The following TRABD2B variants were observed in gnomAD, a reference collection of about 807,000 sequenced individuals.
TRABD2B encodes the protein TraB domain containing 2B, also known as metalloprotease TIKI2.
Under a neutral mutation model 40.1 loss-of-function variants are expected in TRABD2B, and 14 were observed. The ratio of observed to expected loss-of-function variants is 0.35; its 90% CI spans 0.23 to 0.55. The LOEUF (loss-of-function observed/expected upper bound fraction) is 0.55. Among genes scored for constraint, TRABD2B ranks in the 20% least tolerant of loss-of-function variants. The pLI is 0.90. For synonymous variants in TRABD2B, 263 were observed against 277.0 expected, an observed-to-expected ratio of 0.95 and a Z score of 0.50; for missense variants, 541 against 648.6, an observed-to-expected ratio of 0.83 and a Z score of 1.80.
In TRABD2B at chr1:47,958,657, C is replaced by G. The variant is rs568663648; in HGVS notation, c.666+35377G>C. ...AAAGGGATCAATTCAACAAGGAGAG[C>G]TAACTATCCTAAATATATATGCACC... On this transcript the variant is annotated intron_variant, in intron 2 of 6. Coordinates refer to ENST00000606738, the MANE Select transcript of TRABD2B (RefSeq NM_001194986.2). Among the ~76,000 whole-genome samples the G allele has an allele frequency of 1.2e-3, 178 of 152,132 alleles. 1 individual carries two copies. Among genetic ancestry groups the G allele is most frequent in the Admixed American group, 3.1e-3 (48 of 15,278 alleles).
intron 2 of TRABD2B, among the ~76,000 whole-genome samples, chr1:47,843,246 C>T (rs1645423614): frequency 6.6e-6 from 1 of 152,276 alleles, no homozygotes; most frequent in African/African-American, 2.4e-5. Flanking sequence ...TTAAAGGCTC[C>T]CTCTGCCTGT....
intron 2 of TRABD2B, among the ~76,000 whole-genome samples, chr1:47,885,370 G>A (rs7538804): frequency 0.031 from 4,703 of 152,210 alleles, 254 homozygotes; most frequent in African/African-American, 0.11. Flanking sequence ...ACTGTGGACC[G>A]TCTTATTTAC....
Position 47,994,418 on chromosome 1 carries a change from G to T in TRABD2B, c.282C>A (p.Ile94=). ...GCAGCTGGCAGCTGGCCAGGGCCGAGATGGTGTAGGGGTCTGTAAGGTCCA... is the reference window on the plus strand; with the variant it reads ...GCAGCTGGCAGCTGGCCAGGGCCGATATGGTGTAGGGGTCTGTAAGGTCCA... The part of the protein sequence containing the change: ...FELDLTDPYT[I]SALASCQLLP... The change falls in exon 2 of 7, where the codon ATC becomes ATA. Residue 94 remains isoleucine (I), a synonymous_variant. Transcript: ENST00000606738. This position sits in a 1 kb window ranked among gnomAD's most constrained non-coding sequence, Gnocchi z 6.7. The T allele has an allele frequency of 6.5e-7, 1 of 1,536,172 alleles. No individual in the cohort carries two copies. The highest frequency in any genetic ancestry group is 8.7e-7 in the Non-Finnish European group (1 of 1,146,916).
chr1:47,897,720 C>T (rs1232576247), intron 2 of TRABD2B, among the ~76,000 whole-genome samples: 2 of 152,184 alleles, frequency 1.3e-5, no homozygotes, highest in East Asian at 1.9e-4. Flanking sequence ...CACACACACA[C>T]ACATATACAA....
chr1:47,871,803 G>C (rs1451752400), intron 2 of TRABD2B, among the ~76,000 whole-genome samples: 2 of 151,978 alleles, frequency 1.3e-5, no homozygotes, highest in South Asian at 2.1e-4. Context: ...TTTCCTCCTG[G>C]CCCCCCCAGG....
intron 2 of TRABD2B, among the ~76,000 whole-genome samples, chr1:47,899,843 C>T (rs1429434791): frequency 6.6e-6 from 1 of 152,130 alleles, no homozygotes; most frequent in Admixed American, 6.5e-5. Flanking sequence ...TCAGTGCTGT[C>T]AGAGTGCAGC....
intron 2 of TRABD2B, among the ~76,000 whole-genome samples, chr1:47,920,097 TA>T (rs1644882011): frequency 6.6e-6 from 1 of 152,188 alleles, no homozygotes; most frequent in African/African-American, 2.4e-5. Context: ...ACATGTATAG[TA>T]AGATGAGACT....
chr1:47,807,851 T>C (rs1644913122), intron 2 of TRABD2B, among the ~76,000 whole-genome samples: 1 of 152,236 alleles, frequency 6.6e-6, no homozygotes, highest in South Asian at 2.1e-4. Context: ...GTATGCAGGA[T>C]AGCAGCATCA....
Position 47,994,137 on chromosome 1 carries a change from A to C in TRABD2B, c.563T>G (p.Leu188Arg). The change falls in exon 2 of 7, where the codon CTC (leucine) becomes CGC (arginine). Residue 188 changes from leucine to arginine, a missense_variant. This residue lies in a region of TRABD2B where 369 missense variants were observed against 492.8 expected (regional missense o/e 0.75). Transcript: ENST00000606738. The surrounding 1 kb of genome is among the most constrained non-coding windows in gnomAD (Gnocchi z 6.7). ...CTTCTCAGCCTGCTGGGCCAGGTAG[A>C]GGTCGAGCACGGGCACACCACGGAA... ...VRFRGVPVLD[L>R]YLAQQAEKMK... The C allele has an allele frequency of 1.3e-6, 2 of 1,536,318 alleles. No homozygotes were observed. The highest frequency in any genetic ancestry group is 2.4e-5 in the South Asian group (2 of 84,064).
chr1:47,847,960 G>A (rs557047846), intron 2 of TRABD2B, among the ~76,000 whole-genome samples: 4 of 152,130 alleles, frequency 2.6e-5, no homozygotes, highest in African/African-American at 9.7e-5. Context: ...CGGGGCTGAC[G>A]CCATAAATTC....
intron 2 of TRABD2B, among the ~76,000 whole-genome samples, chr1:47,990,777 A>T (rs568087320): frequency 0.029 from 109 of 3,792 alleles, no homozygotes; most frequent in Non-Finnish European, 0.051. Flanking sequence ...GGTTTTATAT[A>T]TATATATATA....
chr1:47,955,954 C>A (rs564458056), intron 2 of TRABD2B, among the ~76,000 whole-genome samples: 1 of 152,194 alleles, frequency 6.6e-6, no homozygotes, highest in South Asian at 2.1e-4. Flanking sequence ...TTGCTTGGCA[C>A]ATAGATGAAT....
chr1:47,919,187 G>A (rs564089057), intron 2 of TRABD2B, among the ~76,000 whole-genome samples: 2 of 152,348 alleles, frequency 1.3e-5, no homozygotes, highest in African/African-American at 2.4e-5. Flanking sequence ...GTGAATAAGT[G>A]AATGAATAGA....
intron 2 of TRABD2B, among the ~76,000 whole-genome samples, chr1:47,908,904 C>A (rs1644713363): frequency 6.6e-6 from 1 of 152,356 alleles, no homozygotes; most frequent in East Asian, 1.9e-4. Flanking sequence ...GAAGACATAG[C>A]GGACTTCCTT....
intron 2 of TRABD2B, among the ~76,000 whole-genome samples, chr1:47,807,033 A>C (rs942101776): frequency 2.0e-5 from 3 of 152,216 alleles, no homozygotes; most frequent in African/African-American, 7.2e-5. Flanking sequence ...TTAGCCAGGG[A>C]CAAAACAGAC....
intron 2 of TRABD2B, among the ~76,000 whole-genome samples, chr1:47,956,830 C>T (rs1185010188): frequency 6.6e-6 from 1 of 152,226 alleles, no homozygotes; most frequent in Non-Finnish European, 1.5e-5. Context: ...ACTTAAACGT[C>T]CCTGTCTGAC....
Position 47,996,090 on chromosome 1 carries a change from C to A in TRABD2B, c.102+598G>T, listed in dbSNP as rs1479934796. Among the ~76,000 whole-genome samples, 1 of 152,148 alleles carries A rather than the reference C, an allele frequency of 6.6e-6. No homozygotes were observed. Among genetic ancestry groups the A allele is most frequent in the Non-Finnish European group, 1.5e-5 (1 of 68,034 alleles). On this transcript the variant is annotated intron_variant, in intron 1 of 6. Transcript: ENST00000606738. This position sits in a 1 kb window ranked among gnomAD's most constrained non-coding sequence, Gnocchi z 4.6. ...ATTAGGCCAGTATGTCCTGGCATTG[C>A]CTTTTCCTCTCCTCTGAAATCTTCC...
intron 2 of TRABD2B, among the ~76,000 whole-genome samples, chr1:47,913,615 C>T (rs886777429): frequency 4.6e-5 from 7 of 152,172 alleles, no homozygotes; most frequent in Non-Finnish European, 7.3e-5. Flanking sequence ...ATGCATGCAG[C>T]GGTCAGCACC....
chr1:47,963,218 T>C (rs1645547650), intron 2 of TRABD2B, among the ~76,000 whole-genome samples: 2 of 152,172 alleles, frequency 1.3e-5, no homozygotes, highest in South Asian at 2.1e-4. Context: ...ATCTCACAAA[T>C]AGGTGACTTG....
Sources: allele counts gnomAD v4.1 joint callset (sites outside exome capture counted in the v4.1 genomes callset), GRCh38; gene constraint gnomAD v4.1.1; regional missense constraint gnomAD v4.1.1; non-coding constraint Gnocchi (gnomAD v3.1); transcripts MANE v1.5; gene names NCBI Gene and HGNC (gene_info 2026-07-23, HGNC 2026-07-21).